The following NOTCH2 variants were observed in gnomAD, a reference collection of about 807,000 sequenced individuals.
The protein encoded by NOTCH2 is neurogenic locus notch homolog protein 2.
A neutral mutation model predicts 235.8 loss-of-function variants in NOTCH2; 29 were observed. The ratio of observed to expected loss-of-function variants is 0.12; its 90% CI spans 0.09 to 0.17. The LOEUF (loss-of-function observed/expected upper bound fraction) is 0.17, where lower values mean the gene tolerates loss of function less well. Ranked by LOEUF, NOTCH2 falls within the 10% of genes least tolerant of loss-of-function variation. The pLI is 1.00. For synonymous variants in NOTCH2, 1,086 were observed against 1,141.5 expected, an observed-to-expected ratio of 0.95 and a Z score of 0.98; for missense variants, 2,285 against 3,150.2, an observed-to-expected ratio of 0.73 and a Z score of 6.57.
intron 5 of NOTCH2, among the ~76,000 whole-genome samples, chr1:119,973,036 G>A (rs990986297): frequency 2.0e-5 from 3 of 152,178 alleles, no homozygotes; most frequent in Admixed American, 1.3e-4. Context: ...TTTTGAATGA[G>A]ACTGAATTTT....
rs71074447 is a variant in NOTCH2 at position 119,963,180 on chromosome 1, TAGGA to T, written c.1915+390_1915+393del. Among the ~76,000 whole-genome samples, 995 of 144,836 alleles carry T rather than the reference TAGGA, an allele frequency of 6.9e-3. 23 individuals are homozygous for T. Among genetic ancestry groups the T allele is most frequent in the African/African-American group, 0.024 (953 of 39,254 alleles). ...GGAAGAAGGGAAGAAGGAAGGTAGG[TAGGA>T]AGGAAGGAAGGAAGGAAGGAAGGAA... On this transcript the variant is annotated intron_variant, in intron 11 of 33. Transcript: ENST00000256646.
Position 119,941,481 on chromosome 1 carries a change from C to T in NOTCH2, c.2981+45G>A, listed in dbSNP as rs782499865. The T allele has an allele frequency of 2.9e-6, 4 of 1,392,696 alleles. No homozygotes were observed. In the East Asian group the frequency reaches 6.8e-5, roughly 24 times the overall value. The allele number at this position is 1,392,696 out of a possible 1,614,324, so 86.3% of individuals were successfully genotyped here. The stretch of plus-strand genomic sequence containing the variant: ...GCTCTGAAATTTCCTTCCCTTTCTC[C>T]CTTTCTCTCGTAAGATGCTGATGCC... On this transcript the variant is annotated intron_variant, in intron 18 of 33. Transcript: ENST00000256646.
intron 11 of NOTCH2, among the ~76,000 whole-genome samples, chr1:119,960,644 G>C (rs905646109): frequency 8.6e-5 from 13 of 151,860 alleles, no homozygotes; most frequent in African/African-American, 3.1e-4. Flanking sequence ...AGGATAAAAT[G>C]CCATACTTGT....
At chr1:119,920,945 T>C (rs1649265611) in intron 29 of NOTCH2, among the ~76,000 whole-genome samples, 1 of 152,208 alleles carries the variant, frequency 6.6e-6, no homozygotes, top group South Asian at 2.1e-4. Context: ...AGCTACCCTT[T>C]ACTGAATACC....
chr1:119,986,219 G>C (rs1338009708), intron 5 of NOTCH2, among the ~76,000 whole-genome samples: 2 of 152,024 alleles, frequency 1.3e-5, no homozygotes, highest in African/African-American at 4.8e-5. Flanking sequence ...TCTCAAAAAG[G>C]CCCAGCTCTT....
intron 1 of NOTCH2, among the ~76,000 whole-genome samples, chr1:120,048,304 CT>C (rs1654879557): frequency 7.2e-6 from 1 of 138,402 alleles, no homozygotes; most frequent in Admixed American, 6.9e-5. Context: ...CTATTCTACC[CT>C]TTTTTCCCCC....
chr1:120,041,067 AAAAAAT>A (rs1570776491), intron 1 of NOTCH2, among the ~76,000 whole-genome samples: 1 of 108,852 alleles, frequency 9.2e-6, no homozygotes, highest in Non-Finnish European at 1.6e-5. Flanking sequence ...AAAAAAAAAA[AAAAAAT>A]ATATATATAT....
intron 3 of NOTCH2, among the ~76,000 whole-genome samples, chr1:119,999,972 A>AAAGG (rs1161002487): frequency 8.1e-4 from 50 of 61,644 alleles, no homozygotes; most frequent in African/African-American, 3.1e-3. Context: ...AGAAAGAAAG[A>AAAGG]AAGAAAGGAA....
At position 119,912,862 on chromosome 1, in the gene NOTCH2, C is replaced by T. The variant is rs1648936478; in HGVS notation, c.*2444G>A. On this transcript the variant is annotated 3_prime_UTR_variant, in exon 34 of 34. Transcript: ENST00000256646. Reference sequence around the variant, plus strand: ...AGTGTTGTCCTCCTCATCACTGAAACCTGTTGTCTGTAATGACAGCTTTCA... The same window carrying T: ...AGTGTTGTCCTCCTCATCACTGAAATCTGTTGTCTGTAATGACAGCTTTCA... 8.6e-6 allele frequency: 2 copies of T among 233,484 alleles called. No individual in the cohort carries two copies. The highest frequency in any genetic ancestry group is 1.1e-4 in the Admixed American group (2 of 17,776). 14.5% of individuals were successfully genotyped at this position (233,484 alleles called of 1,614,324 possible).
chr1:119,926,906 C>G (rs1048452347), intron 23 of NOTCH2, among the ~76,000 whole-genome samples: 2 of 152,196 alleles, frequency 1.3e-5, no homozygotes, highest in African/African-American at 4.8e-5. Context: ...AAAGAGAAAT[C>G]ACACTTCAGC....
intron 17 of NOTCH2, among the ~76,000 whole-genome samples, chr1:119,944,601 T>C (rs1650188859): frequency 6.9e-6 from 1 of 144,654 alleles, no homozygotes; most frequent in Non-Finnish European, 1.5e-5. Flanking sequence ...TAAAAATCAG[T>C]GGAAAGAGGA....
At chr1:120,062,660 T>A (rs868922149) in intron 1 of NOTCH2, among the ~76,000 whole-genome samples, 23 of 97,412 alleles carry the variant, frequency 2.4e-4, no homozygotes, top group Non-Finnish European at 3.9e-4. Context: ...TTCCCACACA[T>A]CTAGAAGAGG....
At chr1:119,927,452 G>A (rs960280747) in intron 23 of NOTCH2, among the ~76,000 whole-genome samples, 2 of 152,098 alleles carry the variant, frequency 1.3e-5, no homozygotes, top group Non-Finnish European at 2.9e-5. Flanking sequence ...ACACAGCTTG[G>A]TGGACCACCA....
At position 119,953,639 on chromosome 1, in the gene NOTCH2, C is replaced by G. The variant is rs1424360694; in HGVS notation, c.2269G>C (p.Asp757His). Residue 757 changes from aspartate (D) to histidine (H), a missense_variant, in exon 14 of 34, where the codon GAC becomes CAC. By Grantham distance (81) the Asp-to-His change is moderately conservative (BLOSUM62 -1). Transcript: ENST00000256646. Reference sequence around the variant, plus strand: ...GGATTCGAAAGGCATTCATTTTTGTCCACTTCACAGTTGATGCCAACCCAG... The same window carrying G: ...GGATTCGAAAGGCATTCATTTTTGTGCACTTCACAGTTGATGCCAACCCAG... Reference protein sequence around the residue: ...AGWVGINCEVDKNECLSNPCQ... With the variant: ...AGWVGINCEVHKNECLSNPCQ... 9 of 1,614,008 alleles carry G rather than the reference C, an allele frequency of 5.6e-6. No individual in the cohort carries two copies. The Admixed American group carries it at 6.7e-5, about 12-fold the overall frequency.
intron 19 of NOTCH2, among the ~76,000 whole-genome samples, chr1:119,939,637 G>A (rs1649995479): frequency 6.6e-6 from 1 of 152,176 alleles, no homozygotes; most frequent in Non-Finnish European, 1.5e-5. Context: ...ATTCACACAC[G>A]GAGTGGCTTG....
At chr1:119,936,872 G>T (rs1649869962) in intron 21 of NOTCH2, among the ~76,000 whole-genome samples, 2 of 151,272 alleles carry the variant, frequency 1.3e-5, no homozygotes, top group South Asian at 4.2e-4. Context: ...TTTTTTGAGA[G>T]AAAATTGCTA....
chr1:119,950,360 G>GA (rs1650423595), intron 15 of NOTCH2: 1 of 392,962 alleles, frequency 2.5e-6, no homozygotes, highest in Admixed American at 3.2e-5. Context: ...CTGGCACATA[G>GA]TAAATTACCA....
intron 22 of NOTCH2, among the ~76,000 whole-genome samples, chr1:119,932,604 C>A (rs1359490989): frequency 2.3e-5 from 3 of 131,954 alleles, no homozygotes; most frequent in African/African-American, 8.9e-5. Context: ...AACAAACAAA[C>A]AAATATCTAT....
chr1:119,933,403 C>T (rs1649734196), intron 22 of NOTCH2, among the ~76,000 whole-genome samples: 1 of 152,180 alleles, frequency 6.6e-6, no homozygotes, highest in African/African-American at 2.4e-5. Flanking sequence ...TACTGTTCCA[C>T]ATACCTAAAC....
Sources: allele counts gnomAD v4.1 joint callset (sites outside exome capture counted in the v4.1 genomes callset), GRCh38; gene constraint gnomAD v4.1.1; transcripts MANE v1.5; gene names NCBI Gene and HGNC (gene_info 2026-07-23, HGNC 2026-07-21).